The following NEGR1 variants were observed in gnomAD, a reference collection of about 807,000 sequenced individuals.
NEGR1 encodes neuronal growth regulator 1.
Under a neutral mutation model 40.9 loss-of-function variants are expected in NEGR1, and 10 were observed. The ratio of observed to expected loss-of-function variants is 0.24; its 90% CI spans 0.15 to 0.42. The LOEUF (loss-of-function observed/expected upper bound fraction) is 0.42. NEGR1 is among the 10% of genes least tolerant of loss of function. NEGR1 has a pLI of 1.00. For synonymous variants in NEGR1, 185 were observed against 166.8 expected (o/e 1.11, Z -0.84); for missense variants, 352 against 438.9 (o/e 0.80, Z 1.77).
intron 1 of NEGR1, among the ~76,000 whole-genome samples, chr1:72,224,150 C>A (rs1231212711): frequency 6.6e-6 from 1 of 151,976 alleles, no homozygotes. Context: ...TACAGAAGTG[C>A]CTGTCCCCCA....
At chr1:72,064,525 C>T (rs1004422985) in intron 1 of NEGR1, among the ~76,000 whole-genome samples, 2 of 152,068 alleles carry the variant, frequency 1.3e-5, no homozygotes, top group African/African-American at 2.4e-5. Context: ...TGAGCACCAA[C>T]GGCTTTCACT....
chr1:72,135,421 C>A (rs1019911553), intron 1 of NEGR1, among the ~76,000 whole-genome samples: 111 of 41,848 alleles, frequency 2.7e-3, no homozygotes, highest in Middle Eastern at 0.017. Flanking sequence ...AAAAACAAAA[C>A]CAAAAAAAAA....
chr1:71,431,564 A>AT (rs1217346877), intron 6 of NEGR1, among the ~76,000 whole-genome samples: 10 of 35,348 alleles, frequency 2.8e-4, no homozygotes, highest in South Asian at 2.4e-3. Flanking sequence ...CCATCTGTTT[A>AT]TCCATTCATT....
chr1:71,522,808 G>T (rs1205436939), intron 6 of NEGR1, among the ~76,000 whole-genome samples: 2 of 149,786 alleles, frequency 1.3e-5, no homozygotes, highest in African/African-American at 4.9e-5. Context: ...AGACTCACAC[G>T]CTCCTATGTG....
At chr1:72,263,669 G>T (rs904462484) in intron 1 of NEGR1, among the ~76,000 whole-genome samples, 1 of 151,414 alleles carries the variant, frequency 6.6e-6, no homozygotes, top group Non-Finnish European at 1.5e-5. Context: ...AGAATCTAAA[G>T]TTATCTATAC....
intron 1 of NEGR1, among the ~76,000 whole-genome samples, chr1:72,123,452 T>C (rs1001247244): frequency 2.0e-5 from 3 of 151,764 alleles, no homozygotes; most frequent in Non-Finnish European, 4.4e-5. Context: ...ATCATAATGA[T>C]GAGAAATTGC....
At chr1:71,782,616 C>G (rs1017723022) in intron 2 of NEGR1, among the ~76,000 whole-genome samples, 4 of 152,068 alleles carry the variant, frequency 2.6e-5, no homozygotes, top group African/African-American at 9.7e-5. Flanking sequence ...GAGAGAGGGC[C>G]TGACACATAC....
At chr1:71,758,039 A>G (rs7549834) in intron 3 of NEGR1, among the ~76,000 whole-genome samples, 57,174 of 151,790 alleles carry the variant, frequency 0.38, 11,145 homozygotes, top group East Asian at 0.6. Context: ...TGCTATTATT[A>G]TCATCTTCAT....
intron 6 of NEGR1, among the ~76,000 whole-genome samples, chr1:71,538,005 G>A (rs1647564309): frequency 6.6e-6 from 1 of 151,712 alleles, no homozygotes; most frequent in African/African-American, 2.4e-5. Flanking sequence ...TTACTGTGGG[G>A]AATGACCTTA....
At chr1:72,020,155 T>A (rs1324784644) in intron 1 of NEGR1, among the ~76,000 whole-genome samples, 2 of 152,170 alleles carry the variant, frequency 1.3e-5, no homozygotes, top group Non-Finnish European at 2.9e-5. Flanking sequence ...CCAGTATAGA[T>A]CACCTAAAAA....
chr1:71,639,202 CA>C (rs1651264215), intron 4 of NEGR1, among the ~76,000 whole-genome samples: 1 of 131,004 alleles, frequency 7.6e-6, no homozygotes, highest in Admixed American at 7.9e-5. Context: ...AACAGATGTT[CA>C]GGGAAAAAAA....
chr1:71,607,314 AT>A (rs1650102569), intron 5 of NEGR1, among the ~76,000 whole-genome samples: 1 of 152,206 alleles, frequency 6.6e-6, no homozygotes, highest in South Asian at 2.1e-4. Context: ...GCAGTTTCTT[AT>A]TTTGCAAATC....
At chr1:71,658,376 A>G (rs1423313635) in intron 4 of NEGR1, among the ~76,000 whole-genome samples, 1 of 152,154 alleles carries the variant, frequency 6.6e-6, no homozygotes, top group Non-Finnish European at 1.5e-5. Flanking sequence ...GGCAATAACT[A>G]TTGTCGTCCT....
intron 1 of NEGR1, among the ~76,000 whole-genome samples, 189 bp from the exon 2 acceptor site, chr1:71,935,500 TG>T (rs1244735505): frequency 6.7e-6 from 1 of 149,550 alleles, no homozygotes; most frequent in Non-Finnish European, 1.5e-5. Flanking sequence ...AAACAATACT[TG>T]TGTACAGTTT....
intron 3 of NEGR1, among the ~76,000 whole-genome samples, chr1:71,775,603 C>T (rs1307629769): frequency 6.6e-6 from 1 of 152,106 alleles, no homozygotes; most frequent in Non-Finnish European, 1.5e-5. Flanking sequence ...GCCTCGACCT[C>T]CCAAAGTGCT....
At chr1:72,228,681 A>G (rs557958106) in intron 1 of NEGR1, among the ~76,000 whole-genome samples, 3 of 152,262 alleles carry the variant, frequency 2.0e-5, no homozygotes, top group Non-Finnish European at 2.9e-5. Flanking sequence ...ATCAAAAGGA[A>G]GTATGGATAC....
At chr1:72,248,009 C>G (rs560232492) in intron 1 of NEGR1, among the ~76,000 whole-genome samples, 3 of 151,914 alleles carry the variant, frequency 2.0e-5, no homozygotes, top group Non-Finnish European at 4.4e-5. Context: ...GAGTGTGCGT[C>G]GGCAGGGAGA....
intron 1 of NEGR1, among the ~76,000 whole-genome samples, chr1:72,045,368 T>C (rs1444876003): frequency 6.6e-6 from 1 of 151,732 alleles, no homozygotes; most frequent in Non-Finnish European, 1.5e-5. Context: ...CAAATATCCA[T>C]AGATATGGTT....
At chr1:71,992,715 AC>A (rs1464564614) in intron 1 of NEGR1, among the ~76,000 whole-genome samples, 1 of 152,206 alleles carries the variant, frequency 6.6e-6, no homozygotes, top group Non-Finnish European at 1.5e-5. Flanking sequence ...TACCTTCTGT[AC>A]TGGGAAGTTC....
Sources: gnomAD v4.1 joint callset for allele counts (sites outside exome capture counted in the v4.1 genomes callset) on GRCh38, gnomAD v4.1.1 for gene constraint, MANE v1.5 for transcripts, NCBI Gene and HGNC (gene_info 2026-07-23, HGNC 2026-07-21) for gene names.